Variants in SHD observed in about 807,000 individuals in gnomAD.
The protein encoded by SHD is SH2 domain-containing adapter protein D.
In SHD, 29 loss-of-function variants were observed where a neutral mutation model predicts 31.2. The ratio of observed to expected loss-of-function variants is 0.93; its 90% CI spans 0.69 to 1.27. The LOEUF is 1.27. Ranked by LOEUF, SHD falls within the 50% of genes most tolerant of loss-of-function variation. The pLI is 0.00. For missense variants in SHD, 520 were observed against 453.8 expected, an observed-to-expected ratio of 1.15 and a Z score of -1.33; for synonymous variants, 208 against 187.8, an observed-to-expected ratio of 1.11 and a Z score of -0.88.
chr19:4,283,362 G>T, intron 3 of SHD, 120 bp downstream of exon 3: 2 of 1,062,732 alleles, frequency 1.9e-6, no homozygotes, highest in South Asian at 3.3e-5. Flanking sequence ...TTTGTAGTTT[G>T]TTAATTCTCA....
intron 4 of SHD, 115 bp downstream of exon 4, chr19:4,285,019 C>G: frequency 8.1e-7 from 1 of 1,232,220 alleles, no homozygotes. Context: ...AACTTCGATT[C>G]ATTCATCCAC....
intron 4 of SHD, among the ~76,000 whole-genome samples, chr19:4,285,563 C>T (rs564385028): frequency 1.7e-4 from 26 of 151,992 alleles, no homozygotes; most frequent in Admixed American, 6.6e-4. Context: ...TTCCTCCCTC[C>T]CTCCCTCCCC....
At chr19:4,288,640 A>C (rs552216885) in intron 5 of SHD, among the ~76,000 whole-genome samples, 3 of 152,320 alleles carry the variant, frequency 2.0e-5, no homozygotes, top group Non-Finnish European at 2.9e-5. Flanking sequence ...AACTAGGTGC[A>C]CAAGATTCCT....
intron 4 of SHD, among the ~76,000 whole-genome samples, chr19:4,286,346 C>T (rs59244134): frequency 0.023 from 2,920 of 126,912 alleles, 216 homozygotes; most frequent in African/African-American, 0.07. Flanking sequence ...CTTTCTTTCT[C>T]TCTTTCTTTC....
chr19:4,290,372 G>T, intron 5 of SHD, 75 bp from the exon 6 acceptor site: 1 of 1,509,330 alleles, frequency 6.6e-7, no homozygotes, highest in Non-Finnish European at 9.0e-7. Flanking sequence ...GGCACTGTGG[G>T]AGGTGGCTTT....
intron 5 of SHD, among the ~76,000 whole-genome samples, chr19:4,290,051 T>A (rs1971360675): frequency 6.6e-6 from 1 of 151,396 alleles, no homozygotes; most frequent in Non-Finnish European, 1.5e-5. Flanking sequence ...AATTTTTGTA[T>A]TTTTAGTGGA....
chr19:4,288,816 TA>T (rs1971346128), intron 5 of SHD, among the ~76,000 whole-genome samples: 1 of 152,022 alleles, frequency 6.6e-6, no homozygotes, highest in Non-Finnish European at 1.5e-5. Context: ...AAGATTCTGC[TA>T]GGTGTCTGAG....
At chr19:4,279,186 G>A (rs1479000212), upstream of SHD, 2 of 152,084 alleles carry the variant, frequency 1.3e-5, no homozygotes, top group African/African-American at 4.8e-5. This position sits in a 1 kb window ranked among gnomAD's most constrained non-coding sequence, Gnocchi z 7.5. Flanking sequence ...ACAGCTGAAG[G>A]TCTCAGTCAC....
chr19:4,282,774 G>C (rs1462098108), intron 1 of SHD, 96 bp from the exon 2 acceptor site: 1 of 681,106 alleles, frequency 1.5e-6, no homozygotes, highest in East Asian at 2.9e-5. Context: ...TCTTGGAGAG[G>C]TGTCAGATGG....
Position 4,283,210 on chromosome 19 carries a change from G to A in SHD, c.560G>A (p.Trp187Ter). The A allele has an allele frequency of 2.5e-6, 4 of 1,613,888 alleles. No individual in the cohort carries two copies. Among genetic ancestry groups the A allele is most frequent in the Non-Finnish European group, 3.4e-6 (4 of 1,179,860 alleles). The change falls in exon 3 of 6, where the codon TGG (tryptophan) becomes TAG (stop). Residue 187 changes from tryptophan to a stop codon, truncating the protein, a stop_gained. Transcript: ENST00000543264. LOFTEE classifies it high-confidence loss of function. Reference protein sequence around the residue: ...PADEYDQPWEWKKDHISRAFA... With the variant: ...PADEYDQPWE Reference sequence around the variant, plus strand: ...GATGAGTATGATCAGCCCTGGGAGTGGAAGAAAGACCACATCTCCAGGGCG... The same window carrying A: ...GATGAGTATGATCAGCCCTGGGAGTAGAAGAAAGACCACATCTCCAGGGCG...
intron 4 of SHD, among the ~76,000 whole-genome samples, chr19:4,285,565 T>TCCCTCCCC (rs1971300265): frequency 1.4e-5 from 2 of 143,930 alleles, no homozygotes; most frequent in Non-Finnish European, 3.1e-5. Context: ...CCTCCCTCCC[T>TCCCTCCCC]CCCTCCCCGA....
chr19:4,282,508 G>A (rs759789001), intron 1 of SHD, among the ~76,000 whole-genome samples: 3 of 152,060 alleles, frequency 2.0e-5, no homozygotes, highest in Non-Finnish European at 4.4e-5. Flanking sequence ...GGCAGATCAC[G>A]AGGTCAGGAG....
rs1201579404 is a variant in SHD, at chr19:4,280,011, G to C, written c.-53G>C. 1.3e-6 allele frequency: 2 copies of C among 1,507,058 alleles called. No individual in the cohort carries two copies. Among genetic ancestry groups the C allele is most frequent in the African/African-American group, 2.8e-5 (2 of 71,282 alleles). 93.4% of individuals were successfully genotyped at this position (1,507,058 alleles called of 1,614,324 possible). On this transcript the variant is annotated 5_prime_UTR_variant, in exon 1 of 6. Transcript: ENST00000543264. The stretch of plus-strand genomic sequence containing the variant: ...TCCTTGGGGAAAGGGGCCCGGAGAA[G>C]GGCATGTGGGGGCCCCTCTGACAGT...
intron 4 of SHD, among the ~76,000 whole-genome samples, chr19:4,286,222 CTTTCTTTCTTTTCTTT>C (rs1971309757): frequency 1.0e-5 from 1 of 99,094 alleles, no homozygotes; most frequent in African/African-American, 5.9e-5. Context: ...TTCTTTCTTT[CTTTCTTTCTTTTCTTT>C]CTTTCTTTCT....
intron 5 of SHD, among the ~76,000 whole-genome samples, chr19:4,290,101 C>T (rs529461302): frequency 2.6e-5 from 4 of 151,808 alleles, no homozygotes; most frequent in African/African-American, 9.7e-5. Context: ...GTCTCAAACT[C>T]GTAACCTCAA....
At chr19:4,290,203 G>A (rs906573373) in intron 5 of SHD, among the ~76,000 whole-genome samples, 10 of 152,156 alleles carry the variant, frequency 6.6e-5, no homozygotes, top group Non-Finnish European at 1.2e-4. Flanking sequence ...TGGTGGAGAC[G>A]GGGTCTCACT....
intron 1 of SHD, 106 bp downstream of exon 1, chr19:4,280,466 G>A (rs1344453538): frequency 2.0e-5 from 25 of 1,278,978 alleles, no homozygotes; most frequent in South Asian, 1.5e-5. Context: ...AGGGGACTGG[G>A]GCACCAGACA....
At chr19:4,290,407 T>A (rs758174699) in intron 5 of SHD, 40 bp from the exon 6 acceptor site, 1 of 1,581,424 alleles carries the variant, frequency 6.3e-7, no homozygotes. Flanking sequence ...TCTGGGTGGG[T>A]CCGGGATGCT....
In SHD at chr19:4,282,852, C is replaced by G. The variant is rs1385926801; in HGVS notation, c.298-18C>G. ...GCCCCTCTGAGTCCTTGTCTTCTCC[C>G]CTTCCTTCTCTCCGCAGCTGGAAGC... On this transcript the variant is annotated intron_variant, in intron 1 of 5. Coordinates refer to ENST00000543264, the MANE Select transcript of SHD (RefSeq NM_020209.4). The G allele has an allele frequency of 3.7e-6, 6 of 1,612,234 alleles. No homozygotes were observed. The highest frequency in any genetic ancestry group is 5.1e-6 in the Non-Finnish European group (6 of 1,178,474).
Sources: allele counts gnomAD v4.1 joint callset (sites outside exome capture counted in the v4.1 genomes callset), GRCh38; gene constraint gnomAD v4.1.1; non-coding constraint Gnocchi (gnomAD v3.1); transcripts MANE v1.5; gene names NCBI Gene and HGNC (gene_info 2026-07-23, HGNC 2026-07-21).